Variants in DMD observed in about 807,000 individuals in gnomAD.
The protein encoded by DMD is dystrophin.
In DMD, 63 loss-of-function variants were observed where a neutral mutation model predicts 330.1. The observed-to-expected ratio is 0.19, with a 90% CI of 0.16 to 0.24. The LOEUF (loss-of-function observed/expected upper bound fraction) is 0.24. Among genes scored for constraint, DMD ranks in the 10% least tolerant of loss-of-function variants. DMD has a pLI of 1.00. For missense variants in DMD, 3,344 were observed against 2,684.1 expected, an observed-to-expected ratio of 1.25 and a Z score of -5.43; for synonymous variants, 1,223 against 959.8, an observed-to-expected ratio of 1.27 and a Z score of -5.07.
At chrX:32,698,520 C>T (rs2063827308) in intron 8 of DMD, among the ~76,000 whole-genome samples, 1 of 111,680 alleles carries the variant, frequency 9.0e-6, no homozygotes, top group African/African-American at 3.3e-5. Context: ...GGAAAACATC[C>T]AAACCACCCA....
At chrX:33,071,110 C>A (rs2094748477) in intron 1 of DMD, among the ~76,000 whole-genome samples, 1 of 110,972 alleles carries the variant, frequency 9.0e-6, no homozygotes. Context: ...ATTATGTGAT[C>A]TTGAACAAGT....
chrX:32,784,186 G>A (rs1041070641), intron 7 of DMD, among the ~76,000 whole-genome samples: 1 of 111,526 alleles, frequency 9.0e-6, no homozygotes, highest in African/African-American at 3.3e-5. Context: ...TATTTTATTG[G>A]CAATATATGT....
chrX:31,216,116 G>C (rs898755722), intron 64 of DMD, among the ~76,000 whole-genome samples: 1 of 112,195 alleles, frequency 8.9e-6, no homozygotes, highest in Non-Finnish European at 1.9e-5. Flanking sequence ...GAGATACCTG[G>C]CCAGGTAGAA....
chrX:32,853,807 A>G (rs1165327033), intron 2 of DMD, among the ~76,000 whole-genome samples: 1 of 109,258 alleles, frequency 9.2e-6, no homozygotes, highest in African/African-American at 3.3e-5. Context: ...CAACAACAAC[A>G]AACACCAAGA....
intron 62 of DMD, among the ~76,000 whole-genome samples, chrX:31,308,309 G>A (rs777451214): frequency 3.6e-5 from 4 of 112,157 alleles, no homozygotes; most frequent in Non-Finnish European, 7.5e-5. Flanking sequence ...AGGAGCTACT[G>A]AAGGAATATA....
intron 77 of DMD, among the ~76,000 whole-genome samples, chrX:31,132,749 G>A (rs1273108956): frequency 9.0e-6 from 1 of 110,657 alleles, no homozygotes; most frequent in Non-Finnish European, 1.9e-5. Flanking sequence ...ACAAAGTAAT[G>A]AGGAGACACG....
rs372751543 is a variant in DMD at position 31,593,624 on chromosome X, C to T, written c.8217+34049G>A. Among the ~76,000 whole-genome samples, 71 of 110,619 alleles carry T rather than the reference C, an allele frequency of 6.4e-4. No homozygotes were observed. In the South Asian group the frequency reaches 8.7e-3, roughly 14 times the overall value. On this transcript the variant is annotated intron_variant, in intron 55 of 78. Transcript: ENST00000357033. ...AAACTATGAAGAATTCCCCATGCCT[C>T]GTCATAAAAGTAGCTTTTTCCTCGA... is the stretch of plus-strand genomic sequence containing the variant.
intron 44 of DMD, among the ~76,000 whole-genome samples, chrX:32,066,169 G>T (rs2096258985): frequency 9.0e-6 from 1 of 111,276 alleles, no homozygotes; most frequent in Non-Finnish European, 1.9e-5. Context: ...TTTTGAACCT[G>T]GGGCAAAACC....
chrX:32,840,730 G>A (rs5972687), intron 4 of DMD, among the ~76,000 whole-genome samples: 51,308 of 110,713 alleles, frequency 0.46, 8,509 homozygotes, highest in South Asian at 0.55. Context: ...ACATTTTAAC[G>A]ACTTCATCTT....
At chrX:32,252,671 T>G (rs2097270149) in intron 43 of DMD, among the ~76,000 whole-genome samples, 1 of 42,031 alleles carries the variant, frequency 2.4e-5, no homozygotes, top group African/African-American at 1.1e-4. Flanking sequence ...TAAATATATA[T>G]ATATAAATAT....
intron 9 of DMD, among the ~76,000 whole-genome samples, chrX:32,655,575 G>T (rs1018803449): frequency 9.0e-6 from 1 of 111,654 alleles, no homozygotes. Context: ...GGTCAATTTT[G>T]GAATAAGTGT....
chrX:32,400,128 T>C (rs60017465), intron 30 of DMD, among the ~76,000 whole-genome samples: 16,633 of 111,114 alleles, frequency 0.15, 1,106 homozygotes, highest in African/African-American at 0.24. Context: ...TTGAAATACG[T>C]CCCATCAATA....
chrX:32,257,649 C>A (rs1368397558), intron 43 of DMD, among the ~76,000 whole-genome samples: 1 of 111,428 alleles, frequency 9.0e-6, no homozygotes, highest in Non-Finnish European at 1.9e-5. Context: ...TTCCTTACCC[C>A]TTATACAAAA....
rs761147409 is a variant in DMD, at chrX:32,809,517, T to C, written c.625A>G (p.Ile209Val). Reference sequence around the variant, plus strand: ...CCTTCAGGATCGAGTAGTTTCTCTATGCCTAATTGATATCTGGCGATGTTG... The same window carrying C: ...CCTTCAGGATCGAGTAGTTTCTCTACGCCTAATTGATATCTGGCGATGTTG... ...AFNIARYQLG[I>V]EKLLDPEDVD... Residue 209 changes from isoleucine to valine, a missense_variant, in exon 7 of 79, where the codon ATA becomes GTA. Physicochemically the swap from Ile to Val is conservative, Grantham distance 29. Coordinates refer to ENST00000357033, the MANE Select transcript of DMD (RefSeq NM_004006.3). 3.3e-6 allele frequency: 4 copies of C among 1,210,852 alleles called. No individual in the cohort carries two copies. Among genetic ancestry groups the C allele is most frequent in the Non-Finnish European group, 4.5e-6 (4 of 894,777 alleles).
intron 47 of DMD, among the ~76,000 whole-genome samples, chrX:31,895,608 A>T (rs762043176): frequency 8.9e-6 from 1 of 111,867 alleles, no homozygotes; most frequent in Non-Finnish European, 1.9e-5. Context: ...AGGGATAAAC[A>T]CTTTTGAAAA....
intron 66 of DMD, among the ~76,000 whole-genome samples, chrX:31,205,093 C>G (rs1468122429): frequency 9.0e-6 from 1 of 111,389 alleles, no homozygotes; most frequent in Non-Finnish European, 1.9e-5. Flanking sequence ...TAGTAGGTGC[C>G]CAATATATGT....
At chrX:32,000,923 T>A (rs2095621974) in intron 44 of DMD, among the ~76,000 whole-genome samples, 1 of 111,537 alleles carries the variant, frequency 9.0e-6, no homozygotes, top group Non-Finnish European at 1.9e-5. Flanking sequence ...GCCACTAGTT[T>A]ATCCCTGGTG....
At chrX:33,339,203 G>C (rs1203272976) in intron 1 of DMD, 1 of 1,017,686 alleles carries the variant, frequency 9.8e-7, no homozygotes, top group Non-Finnish European at 1.3e-6. Context: ...CATATGCTTT[G>C]TCATGGCCAG....
intron 53 of DMD, among the ~76,000 whole-genome samples, chrX:31,660,572 G>A (rs2081067261): frequency 9.0e-6 from 1 of 111,579 alleles, no homozygotes; most frequent in Non-Finnish European, 1.9e-5. Flanking sequence ...ACAAAACTGA[G>A]ACCAATAACT....
Sources: allele counts gnomAD v4.1 joint callset (sites outside exome capture counted in the v4.1 genomes callset), GRCh38; gene constraint gnomAD v4.1.1; transcripts MANE v1.5; gene names NCBI Gene and HGNC (gene_info 2026-07-23, HGNC 2026-07-21).